Variants in ATP6V1A observed in about 807,000 individuals in gnomAD.
ATP6V1A encodes the protein V-type proton ATPase catalytic subunit A.
Under a neutral mutation model 70.1 loss-of-function variants are expected in ATP6V1A, and 18 were observed. The ratio of observed to expected loss-of-function variants is 0.26; its 90% CI spans 0.18 to 0.38. ATP6V1A has a LOEUF of 0.38. ATP6V1A is among the 10% of genes least tolerant of loss of function. The pLI is 1.00. For missense variants in ATP6V1A, 424 were observed against 772.4 expected, an observed-to-expected ratio of 0.55 and a Z score of 5.35; for synonymous variants, 232 against 253.8, an observed-to-expected ratio of 0.91 and a Z score of 0.82.
chr3:113,793,109 G>A (rs781387888), intron 8 of ATP6V1A, among the ~76,000 whole-genome samples: 43 of 152,068 alleles, frequency 2.8e-4, no homozygotes, highest in Non-Finnish European at 5.9e-4. Flanking sequence ...ACCCAGGCTG[G>A]AATGCAGTGG....
chr3:113,767,551 C>T (rs903091755), intron 1 of ATP6V1A, among the ~76,000 whole-genome samples: 3 of 152,006 alleles, frequency 2.0e-5, no homozygotes, highest in Non-Finnish European at 2.9e-5. Context: ...AGGCTTCTAG[C>T]GTATACATTG....
intron 1 of ATP6V1A, among the ~76,000 whole-genome samples, chr3:113,751,632 T>A (rs2603789): frequency 0.38 from 56,803 of 151,000 alleles, 10,828 homozygotes; most frequent in African/African-American, 0.44. Context: ...GGTGAAATGA[T>A]AGCGACTTTG....
At chr3:113,781,027 A>G (rs530750918) in intron 2 of ATP6V1A, 23 bp from the exon 3 acceptor site, 2 of 1,582,198 alleles carry the variant, frequency 1.3e-6, no homozygotes, top group South Asian at 2.3e-5. Context: ...TAAGTCATCA[A>G]AATAGTCTTT....
At chr3:113,805,634 T>G (rs1709268217) in intron 14 of ATP6V1A, 109 bp downstream of exon 14, 1 of 1,111,140 alleles carries the variant, frequency 9.0e-7, no homozygotes, top group Non-Finnish European at 1.3e-6. Context: ...AGTGGCATGA[T>G]CTTGTCTCAC....
intron 12 of ATP6V1A, among the ~76,000 whole-genome samples, chr3:113,800,231 C>CA (rs74642409): frequency 0.034 from 2,769 of 82,572 alleles, 85 homozygotes; most frequent in African/African-American, 0.1. Context: ...GACTCCATCT[C>CA]AAAAAAAAAA....
In ATP6V1A at chr3:113,784,690, C is replaced by T; in HGVS notation, c.427-6C>T. ...CAAATTAAACAGCAAATACATTTAT[C>T]TCTAGGTTGGTAGTCATATCACTGG... On this transcript the variant is annotated splice_region_variant and splice_polypyrimidine_tract_variant and intron_variant, in intron 4 of 14. Coordinates refer to ENST00000273398, the MANE Select transcript of ATP6V1A (RefSeq NM_001690.4). 1 of 1,613,546 alleles carries T rather than the reference C, an allele frequency of 6.2e-7. No individual in the cohort carries two copies.
At chr3:113,809,056 C>T (rs1473093083) in intron 14 of ATP6V1A, among the ~76,000 whole-genome samples, 1 of 151,782 alleles carries the variant, frequency 6.6e-6, no homozygotes, top group African/African-American at 2.4e-5. Flanking sequence ...TCAAGACCAG[C>T]CTGGCCAACA....
rs1171281791 is a variant in ATP6V1A, at chr3:113,809,462, C to A, written c.*35C>A. 6.4e-7 allele frequency: 1 copy of A among 1,566,986 alleles called. No individual in the cohort carries two copies. ...AGATTACAACTGTGATTTCCTTTTC[C>A]TCAGCAAGCTCCTATGTGTATATTT... On this transcript the variant is annotated 3_prime_UTR_variant, in exon 15 of 15. Transcript: ENST00000273398.
chr3:113,806,418 C>T (rs1354039781), intron 14 of ATP6V1A, among the ~76,000 whole-genome samples: 1 of 152,042 alleles, frequency 6.6e-6, no homozygotes, highest in African/African-American at 2.4e-5. Flanking sequence ...ATGACATCTT[C>T]TCTGTTTACT....
At chr3:113,759,423 CT>C (rs1033907744) in intron 1 of ATP6V1A, among the ~76,000 whole-genome samples, 5 of 151,404 alleles carry the variant, frequency 3.3e-5, no homozygotes, top group African/African-American at 1.2e-4. Flanking sequence ...GGAGTAGAGC[CT>C]TTTTGAGCTA....
intron 3 of ATP6V1A, among the ~76,000 whole-genome samples, chr3:113,782,627 G>A (rs149409820): frequency 0.011 from 1,410 of 132,528 alleles, 19 homozygotes; most frequent in African/African-American, 0.037. Context: ...TTTTTTGTTT[G>A]TTTGTTTGCT....
chr3:113,769,852 A>G (rs9288983), intron 1 of ATP6V1A, among the ~76,000 whole-genome samples: 53,470 of 151,860 alleles, frequency 0.35, 9,538 homozygotes, highest in African/African-American at 0.38. Flanking sequence ...GGGCACTGCT[A>G]TAATTTGTAA....
chr3:113,762,623 C>T, intron 1 of ATP6V1A, among the ~76,000 whole-genome samples: 1 of 152,026 alleles, frequency 6.6e-6, no homozygotes, highest in East Asian at 1.9e-4. Flanking sequence ...AAAAGCCTAT[C>T]CAAAAGCCAG....
intron 1 of ATP6V1A, among the ~76,000 whole-genome samples, chr3:113,756,914 GT>G (rs1559748301): frequency 6.6e-6 from 1 of 152,184 alleles, no homozygotes; most frequent in African/African-American, 2.4e-5. Flanking sequence ...TGAAAAGTGA[GT>G]TTTTGATAAT....
chr3:113,749,787 A>G (rs1422248476), intron 1 of ATP6V1A, among the ~76,000 whole-genome samples: 1 of 152,160 alleles, frequency 6.6e-6, no homozygotes, highest in Non-Finnish European at 1.5e-5. Context: ...AAGAAATTAA[A>G]CCACTTTAAT....
At chr3:113,795,839 A>AT (rs774994951) in intron 10 of ATP6V1A, 37 bp from the exon 11 acceptor site, 50 of 1,520,038 alleles carry the variant, frequency 3.3e-5, no homozygotes, top group Admixed American at 8.2e-5. Flanking sequence ...TCTAATGACC[A>AT]TTTTTTTTGT....
At chr3:113,750,245 C>T (rs1173263207) in intron 1 of ATP6V1A, among the ~76,000 whole-genome samples, 1 of 152,022 alleles carries the variant, frequency 6.6e-6, no homozygotes, top group African/African-American at 2.4e-5. Flanking sequence ...TTTGGGAGGC[C>T]AAGGCGGGCA....
intron 14 of ATP6V1A, among the ~76,000 whole-genome samples, chr3:113,807,778 C>T (rs540670900): frequency 9.4e-4 from 143 of 152,176 alleles, no homozygotes; most frequent in African/African-American, 3.2e-3. Context: ...TGTCATTACT[C>T]TTCTGTAGCA....
intron 1 of ATP6V1A, among the ~76,000 whole-genome samples, chr3:113,755,702 T>G (rs995059587): frequency 6.6e-6 from 1 of 152,226 alleles, no homozygotes; most frequent in East Asian, 1.9e-4. Context: ...ATTCATTTAC[T>G]CATCCAACAA....
Sources: gnomAD v4.1 joint callset for allele counts (sites outside exome capture counted in the v4.1 genomes callset) on GRCh38, gnomAD v4.1.1 for gene constraint, MANE v1.5 for transcripts, NCBI Gene and HGNC (gene_info 2026-07-23, HGNC 2026-07-21) for gene names.